The following LRP6 variants were observed in gnomAD, a reference collection of about 807,000 sequenced individuals.
LRP6 encodes low-density lipoprotein receptor-related protein 6.
In LRP6, 43 loss-of-function variants were observed where a neutral mutation model predicts 184.1. The ratio of observed to expected loss-of-function variants is 0.23; its 90% CI spans 0.18 to 0.30. The LOEUF (loss-of-function observed/expected upper bound fraction) is 0.30, where lower values mean the gene tolerates loss of function less well. Among genes scored for constraint, LRP6 ranks in the 10% least tolerant of loss-of-function variants. The probability of loss-of-function intolerance (pLI) is 1.00; values close to 1 mark genes in which losing one functional copy is unlikely to be tolerated. For synonymous variants in LRP6, 719 were observed against 684.9 expected, an observed-to-expected ratio of 1.05 and a Z score of -0.78; for missense variants, 1,571 against 2,005.3, an observed-to-expected ratio of 0.78 and a Z score of 4.14.
At chr12:12,251,938 T>C (rs1329491482) in intron 1 of LRP6, among the ~76,000 whole-genome samples, 1 of 152,064 alleles carries the variant, frequency 6.6e-6, no homozygotes, top group East Asian at 1.9e-4. Flanking sequence ...GGCACAATCA[T>C]GGCTCATTGC....
chr12:12,125,870 G>A (rs1949665632), intron 20 of LRP6, among the ~76,000 whole-genome samples: 1 of 152,164 alleles, frequency 6.6e-6, no homozygotes, highest in Non-Finnish European at 1.5e-5. Context: ...GAATATAAAT[G>A]TTGCTAGAAT....
intron 2 of LRP6, among the ~76,000 whole-genome samples, chr12:12,205,218 G>A (rs1426670616): frequency 6.6e-6 from 1 of 150,766 alleles, no homozygotes; most frequent in Non-Finnish European, 1.5e-5. Flanking sequence ...TCAGGAGGCT[G>A]AGGCAAGAGA....
chr12:12,160,066 C>T (rs912735418), intron 10 of LRP6, 102 bp from the exon 11 acceptor site: 14 of 850,980 alleles, frequency 1.6e-5, no homozygotes, highest in African/African-American at 1.5e-4. Flanking sequence ...AGAAAACATA[C>T]AGCAAATCAA....
At chr12:12,223,911 C>T (rs1271114639) in intron 2 of LRP6, among the ~76,000 whole-genome samples, 1 of 152,138 alleles carries the variant, frequency 6.6e-6, no homozygotes, top group Non-Finnish European at 1.5e-5. Context: ...GTTTAGTATA[C>T]ATTACTAGAG....
chr12:12,224,102 T>C (rs1864554729), intron 2 of LRP6, among the ~76,000 whole-genome samples: 1 of 152,138 alleles, frequency 6.6e-6, no homozygotes, highest in Non-Finnish European at 1.5e-5. Context: ...TTCAATGAGG[T>C]TGTTTTATAC....
chr12:12,200,182 A>G (rs1591940209), intron 3 of LRP6, among the ~76,000 whole-genome samples: 2 of 152,098 alleles, frequency 1.3e-5, no homozygotes. Context: ...GTATTCTTCT[A>G]TCCCTGCCAC....
chr12:12,190,839 T>A (rs1439334006), intron 3 of LRP6, among the ~76,000 whole-genome samples: 3 of 152,194 alleles, frequency 2.0e-5, no homozygotes, highest in Non-Finnish European at 4.4e-5. Context: ...GAAGACAATG[T>A]CAGCAGTGAT....
intron 1 of LRP6, among the ~76,000 whole-genome samples, chr12:12,257,760 T>C (rs184047016): frequency 2.1e-3 from 178 of 83,694 alleles, no homozygotes; most frequent in Admixed American, 7.7e-3. Context: ...CTGAGCAACA[T>C]AGTAAGACCC....
chr12:12,155,761 T>G, intron 12 of LRP6: 4 of 955,486 alleles, frequency 4.2e-6, no homozygotes, highest in Non-Finnish European at 6.9e-6. Context: ...TCCCTATGAA[T>G]TCATGGCATA....
At chr12:12,253,125 G>A (rs964462585) in intron 1 of LRP6, among the ~76,000 whole-genome samples, 11 of 152,248 alleles carry the variant, frequency 7.2e-5, no homozygotes, top group South Asian at 2.1e-4. Flanking sequence ...TTAGCAGGGC[G>A]TGGTGGCGCG....
rs1400307525 is a variant in LRP6 at position 12,244,403 on chromosome 12, T to G, written c.308A>C (p.Asp103Ala). 1 of 1,614,066 alleles carries G rather than the reference T, an allele frequency of 6.2e-7. No homozygotes were observed. The highest frequency in any genetic ancestry group is 1.7e-5 in the Admixed American group (1 of 60,000). ...CCAGTACAATTTTTCTCCAAGCCAA[T>G]CACATGCCAGCCCATCGGGGGACAA... is the stretch of plus-strand genomic sequence containing the variant. Reference protein sequence around the residue: ...GLLSPDGLACDWLGEKLYWTD... With the variant: ...GLLSPDGLACAWLGEKLYWTD... Residue 103 changes from aspartate (D) to alanine (A), a missense_variant, in exon 2 of 23, where the codon GAT becomes GCT. Physicochemically the swap from Asp to Ala is moderately radical, Grantham distance 126. Transcript: ENST00000261349.
In LRP6 at chr12:12,149,166, A is replaced by G. The variant is rs1950048192; in HGVS notation, c.2995-13T>C. ...CCACAGTAAAGCCCTAGGGAAAAAAAGAAATACAGAGAAAATTAAACTCCA... is the reference window on the plus strand; with the variant it reads ...CCACAGTAAAGCCCTAGGGAAAAAAGGAAATACAGAGAAAATTAAACTCCA... On this transcript the variant is annotated splice_polypyrimidine_tract_variant and intron_variant, in intron 13 of 22. Coordinates refer to ENST00000261349, the MANE Select transcript of LRP6 (RefSeq NM_002336.3). 2 of 1,607,120 alleles carry G rather than the reference A, an allele frequency of 1.2e-6. No individual in the cohort carries two copies. Among genetic ancestry groups the G allele is most frequent in the East Asian group, 2.2e-5 (1 of 44,856 alleles).
chr12:12,149,238 T>C (rs1004151379), intron 13 of LRP6, 85 bp from the exon 14 acceptor site: 33 of 1,005,382 alleles, frequency 3.3e-5, no homozygotes, highest in Non-Finnish European at 5.1e-5. Flanking sequence ...TACACCTACA[T>C]GGGCACACAG....
intron 14 of LRP6, among the ~76,000 whole-genome samples, chr12:12,148,272 CT>C (rs1950036752): frequency 6.6e-6 from 1 of 151,598 alleles, no homozygotes; most frequent in South Asian, 2.1e-4. Flanking sequence ...CTAGAGAGAC[CT>C]TAACACAAAA....
chr12:12,265,576 C>G (rs867377605), intron 1 of LRP6, among the ~76,000 whole-genome samples: 1 of 152,134 alleles, frequency 6.6e-6, no homozygotes, highest in South Asian at 2.1e-4. Context: ...CTCCAGCGAC[C>G]AGCGGTCACA....
chr12:12,232,080 T>C lies in LRP6; in HGVS notation c.449+12182A>G, dbSNP rs114853400. On this transcript the variant is annotated intron_variant, in intron 2 of 22. Coordinates refer to ENST00000261349, the MANE Select transcript of LRP6 (RefSeq NM_002336.3). ...TGTGCAATTTACTGTATATAAATTATACTTTAAATAGTTAAGTGGTCGGCT... is the reference window on the plus strand; with the variant it reads ...TGTGCAATTTACTGTATATAAATTACACTTTAAATAGTTAAGTGGTCGGCT... Among the ~76,000 whole-genome samples, 710 of 152,078 alleles carry C rather than the reference T, an allele frequency of 4.7e-3. 5 individuals carry two copies. Among genetic ancestry groups the C allele is most frequent in the African/African-American group, 0.016 (676 of 41,504 alleles).
intron 2 of LRP6, among the ~76,000 whole-genome samples, chr12:12,215,489 G>T (rs1045973374): frequency 1.3e-5 from 2 of 151,570 alleles, no homozygotes; most frequent in African/African-American, 4.8e-5. Context: ...GCAATAGCGC[G>T]ATCTCGGCTC....
At chr12:12,145,634 T>C (rs1949996460) in intron 15 of LRP6, among the ~76,000 whole-genome samples, 1 of 144,518 alleles carries the variant, frequency 6.9e-6, no homozygotes, top group Admixed American at 6.9e-5. Context: ...CTTTTTTTTT[T>C]TTTTTTTTTT....
chr12:12,199,530 C>G (rs1376729217), intron 3 of LRP6, among the ~76,000 whole-genome samples: 1 of 152,128 alleles, frequency 6.6e-6, no homozygotes, highest in Non-Finnish European at 1.5e-5. Flanking sequence ...TTACAGAGAT[C>G]CAAACATAAG....
Sources: allele counts gnomAD v4.1 joint callset (sites outside exome capture counted in the v4.1 genomes callset), GRCh38; gene constraint gnomAD v4.1.1; transcripts MANE v1.5; gene names NCBI Gene and HGNC (gene_info 2026-07-23, HGNC 2026-07-21).